SMU1: variants seen among roughly 807,000 people sequenced by gnomAD.
SMU1 encodes WD40 repeat-containing protein SMU1.
A neutral mutation model predicts 62.0 loss-of-function variants in SMU1; 2 were observed. The observed-to-expected ratio is 0.03, with a 90% CI of 0.01 to 0.10. SMU1 has a LOEUF of 0.10. Ranked by LOEUF, SMU1 falls within the 10% of genes least tolerant of loss-of-function variation. The pLI, the probability that SMU1 is intolerant of heterozygous loss-of-function variation, is 1.00. For missense variants in SMU1, 227 were observed against 622.1 expected, an observed-to-expected ratio of 0.36 and a Z score of 6.76; for synonymous variants, 188 against 212.4, an observed-to-expected ratio of 0.89 and a Z score of 1.00.
At chr9:33,070,018 T>C (rs1264447954) in intron 3 of SMU1, among the ~76,000 whole-genome samples, 1 of 151,258 alleles carries the variant, frequency 6.6e-6, no homozygotes, top group Non-Finnish European at 1.5e-5. Context: ...CCCAGCTACT[T>C]GGTGGCTGAG....
chr9:33,056,206 C>T lies in SMU1; in HGVS notation c.1029G>A (p.Lys343=). 1 of 1,612,794 alleles carries T rather than the reference C, an allele frequency of 6.2e-7. No individual in the cohort carries two copies. Among genetic ancestry groups the T allele is most frequent in the Non-Finnish European group, 8.5e-7 (1 of 1,179,250 alleles). Residue 343 remains lysine, a synonymous_variant, in exon 9 of 12, where the codon AAG becomes AAA. Transcript: ENST00000397149. ...CAAAGGAGGAATGGCCACGAAATTCCTTCAGGGTTTTCCCAGATTTTAAAC... is the reference window on the plus strand; with the variant it reads ...CAAAGGAGGAATGGCCACGAAATTCTTTCAGGGTTTTCCCAGATTTTAAAC... ...IHGLKSGKTL[K]EFRGHSSFVN...
rs1839194126 is a variant in SMU1, at chr9:33,047,110, A to G, written c.*183T>C. ...TTAGAAGAAGATAAACTAATACCTT[A>G]AAAATATATAAAAAAAGAAAGGGTA... On this transcript the variant is annotated 3_prime_UTR_variant, in exon 12 of 12. Coordinates refer to ENST00000397149, the MANE Select transcript of SMU1 (RefSeq NM_018225.3). 1 of 512,632 alleles carries G rather than the reference A, an allele frequency of 2.0e-6. No homozygotes were observed. The allele number at this position is 512,632 out of a possible 1,614,324, so 31.8% of individuals were successfully genotyped here.
rs1839139742 is a variant in SMU1, at chr9:33,042,740, A to G, written c.*4553T>C. Reference sequence around the variant, plus strand: ...GGTTGAAAGCCACCAACACTGACACATGGATTTAATATTAACCACTTGGAA... The same window carrying G: ...GGTTGAAAGCCACCAACACTGACACGTGGATTTAATATTAACCACTTGGAA... On this transcript the variant is annotated 3_prime_UTR_variant, in exon 12 of 12. Transcript: ENST00000397149. 6.6e-6 allele frequency: 1 copy of G among 152,262 alleles called. No individual in the cohort carries two copies. Among genetic ancestry groups the G allele is most frequent in the Admixed American group, 6.5e-5 (1 of 15,278 alleles). The allele number at this position is 152,262 out of a possible 1,614,324, so 9.4% of individuals were successfully genotyped here. A position where few individuals can be genotyped will look rare whatever the true frequency, so the allele number is the denominator to read the frequency against.
Position 33,048,274 on chromosome 9 carries a change from C to T in SMU1, c.1291-16G>A. 1 of 1,612,206 alleles carries T rather than the reference C, an allele frequency of 6.2e-7. No homozygotes were observed. The highest frequency in any genetic ancestry group is 8.5e-7 in the Non-Finnish European group (1 of 1,179,456). On this transcript the variant is annotated splice_polypyrimidine_tract_variant and intron_variant, in intron 10 of 11. Coordinates refer to ENST00000397149, the MANE Select transcript of SMU1 (RefSeq NM_018225.3). ...TTCTGACAATCTAGATCACACCACA[C>T]CCCAAGAAAAAAACATCAGGATTAG...
chr9:33,044,362 G>A lies in SMU1; in HGVS notation c.*2931C>T, dbSNP rs908069064. The A allele has an allele frequency of 9.9e-5, 15 of 152,254 alleles. No homozygotes were observed. The highest frequency in any genetic ancestry group is 2.9e-4 in the African/African-American group (12 of 41,462). The allele number at this position is 152,254 out of a possible 1,614,324, so 9.4% of individuals were successfully genotyped here. A position where few individuals can be genotyped will look rare whatever the true frequency, so the allele number is the denominator to read the frequency against. ...CTGCAGGCCCTGACAGTTGGCTCTA[G>A]CGGGTGCGCAGTCTCCCTACCCCCG... is the stretch of plus-strand genomic sequence containing the variant. On this transcript the variant is annotated 3_prime_UTR_variant, in exon 12 of 12. Coordinates refer to ENST00000397149, the MANE Select transcript of SMU1 (RefSeq NM_018225.3).
chr9:33,064,892 G>A (rs948047468), intron 4 of SMU1, among the ~76,000 whole-genome samples: 2 of 152,004 alleles, frequency 1.3e-5, no homozygotes, highest in East Asian at 1.9e-4. Context: ...ACAGGCGCAC[G>A]CCATGATGGC....
chr9:33,049,433 C>A (rs1290865227), intron 10 of SMU1, among the ~76,000 whole-genome samples: 1 of 152,174 alleles, frequency 6.6e-6, no homozygotes, highest in Non-Finnish European at 1.5e-5. Context: ...ACAGTCTTCA[C>A]AAAAATTAAC....
chr9:33,044,528 G>A lies in SMU1; in HGVS notation c.*2765C>T, dbSNP rs544420786. On this transcript the variant is annotated 3_prime_UTR_variant, in exon 12 of 12. Coordinates refer to ENST00000397149, the MANE Select transcript of SMU1 (RefSeq NM_018225.3). ...CGGTCTGGCTGTAAGGGCGCTGGAG[G>A]GGAGCTGGGCTGCCCCAGCCTTCAA... The A allele has an allele frequency of 6.6e-6, 1 of 152,428 alleles. No homozygotes were observed. The highest frequency in any genetic ancestry group is 1.9e-4 in the East Asian group (1 of 5,184). 9.4% of individuals were successfully genotyped at this position (152,428 alleles called of 1,614,324 possible).
Position 33,047,371 on chromosome 9 carries a change from A to T in SMU1, c.1464T>A (p.Ile488=). The T allele has an allele frequency of 1.2e-6, 2 of 1,613,778 alleles. No individual in the cohort carries two copies. Among genetic ancestry groups the T allele is most frequent in the Non-Finnish European group, 1.7e-6 (2 of 1,179,816 alleles). The change falls in exon 12 of 12, where the codon ATT becomes ATA. Residue 488 remains isoleucine (I), a synonymous_variant. Coordinates refer to ENST00000397149, the MANE Select transcript of SMU1 (RefSeq NM_018225.3). ...RTLTVHEKDV[I]GIAHHPHQNL... ...TCTGATGAGGGTGATGTGCAATACC[A>T]ATCACATCCTTCTCGTGCACCTGGA...
intron 2 of SMU1, among the ~76,000 whole-genome samples, chr9:33,072,692 G>C (rs1839499897): frequency 6.6e-6 from 1 of 151,922 alleles, no homozygotes; most frequent in Non-Finnish European, 1.5e-5. Flanking sequence ...AGCTGGGCGT[G>C]GTGATGCACG....
At chr9:33,051,557 G>A (rs139925578) in intron 10 of SMU1, among the ~76,000 whole-genome samples, 275 of 152,288 alleles carry the variant, frequency 1.8e-3, no homozygotes, top group Admixed American at 3.5e-3. Flanking sequence ...GGCTGTGCCC[G>A]TGGGAGGGAC....
intron 9 of SMU1, among the ~76,000 whole-genome samples, chr9:33,054,788 C>T (rs1161439770): frequency 6.6e-6 from 1 of 152,222 alleles, no homozygotes; most frequent in African/African-American, 2.4e-5. Context: ...GGTGTCAACA[C>T]TGTTATTGCC....
At chr9:33,066,036 C>A (rs1839415861) in intron 4 of SMU1, among the ~76,000 whole-genome samples, 1 of 152,172 alleles carries the variant, frequency 6.6e-6, no homozygotes, top group African/African-American at 2.4e-5. Context: ...GAAAAGCTGA[C>A]CAGCCCAAGA....
At position 33,076,671 on chromosome 9, in the gene SMU1, C is replaced by A. The variant is rs919918469; in HGVS notation, c.-63G>T. On this transcript the variant is annotated 5_prime_UTR_variant, in exon 1 of 12. Transcript: ENST00000397149. ...CAAGGCCAGTCGCGCAACACACCAA[C>A]GACACCTCCGGCGGACACCTAACGT... 25 of 1,611,254 alleles carry A rather than the reference C, an allele frequency of 1.6e-5. No homozygotes were observed. Among genetic ancestry groups the A allele is most frequent in the Non-Finnish European group, 2.0e-5 (24 of 1,178,736 alleles).
intron 4 of SMU1, among the ~76,000 whole-genome samples, chr9:33,066,525 A>AG (rs1250497255): frequency 1.3e-5 from 2 of 148,392 alleles, no homozygotes; most frequent in East Asian, 4.0e-4. Flanking sequence ...AAAAAAAAAA[A>AG]GGCTGGGTGC....
intron 6 of SMU1, 99 bp from the exon 7 acceptor site, chr9:33,057,813 T>A: frequency 6.7e-7 from 1 of 1,490,852 alleles, no homozygotes; most frequent in Non-Finnish European, 9.1e-7. Flanking sequence ...TTGTACCTAC[T>A]CTAAACCCCC....
At chr9:33,072,884 C>T (rs1209781850) in intron 2 of SMU1, among the ~76,000 whole-genome samples, 9 of 150,888 alleles carry the variant, frequency 6.0e-5, no homozygotes. Context: ...AATTTCACTA[C>T]TTTTACTTCA....
rs1169481902 is a variant in SMU1 at position 33,042,253 on chromosome 9, GTAT to G, written c.*5037_*5039del. On this transcript the variant is annotated 3_prime_UTR_variant, in exon 12 of 12. Transcript: ENST00000397149. ...GTTTGTCTGTGTAGTTTTTCAGCTTGTATTATTACTACCACTAACAGCCTCTGT... is the reference window on the plus strand; with the variant it reads ...GTTTGTCTGTGTAGTTTTTCAGCTTGTATTACTACCACTAACAGCCTCTGT... 6.5e-6 allele frequency: 1 copy of G among 152,764 alleles called. No individual in the cohort carries two copies. Among genetic ancestry groups the G allele is most frequent in the East Asian group, 1.9e-4 (1 of 5,206 alleles). The allele number at this position is 152,764 out of a possible 1,614,324, so 9.5% of individuals were successfully genotyped here.
rs140130972 is a variant in SMU1 at position 33,076,200 on chromosome 9, T to C, written c.26+383A>G. ...GTATAAGCAGAGACAACGAATCACA[T>C]TGCATAAGCTGGACAGGGAGAGAAG... On this transcript the variant is annotated intron_variant, in intron 1 of 11. Transcript: ENST00000397149. Among the ~76,000 whole-genome samples, 67 of 152,276 alleles carry C rather than the reference T, an allele frequency of 4.4e-4. 1 individual carries two copies. The highest frequency in any genetic ancestry group is 1.4e-3 in the African/African-American group (58 of 41,562).
Sources: allele counts gnomAD v4.1 joint callset (sites outside exome capture counted in the v4.1 genomes callset), GRCh38; gene constraint gnomAD v4.1.1; transcripts MANE v1.5; gene names NCBI Gene and HGNC (gene_info 2026-07-23, HGNC 2026-07-21).